The following MAN2C1 variants were observed in gnomAD, a reference collection of about 807,000 sequenced individuals.
MAN2C1 encodes mannosidase alpha class 2C member 1, also known as alpha-mannosidase 2C1.
Under a neutral mutation model 126.9 loss-of-function variants are expected in MAN2C1, and 111 were observed. The observed-to-expected ratio is 0.87, with a 90% CI of 0.75 to 1.02. MAN2C1 has a LOEUF of 1.02. MAN2C1 is among the 50% of genes least tolerant of loss of function. The pLI is 0.00. For missense variants in MAN2C1, 1,363 were observed against 1,364.4 expected (o/e 1.00, Z 0.02); for synonymous variants, 567 against 561.5 (o/e 1.01, Z -0.14).
At position 75,356,523 on chromosome 15, in the gene MAN2C1, G is replaced by C; in HGVS notation, c.2738-74C>G. 5 of 1,554,802 alleles carry C rather than the reference G, an allele frequency of 3.2e-6. No homozygotes were observed. The South Asian group carries it at 5.9e-5, about 18-fold the overall frequency. On this transcript the variant is annotated intron_variant, in intron 23 of 25. Transcript: ENST00000267978. This position sits in a 1 kb window ranked among gnomAD's most constrained non-coding sequence, Gnocchi z 5.8. ...CCCCTGTCCCTAGAAGGGGCAGGAA[G>C]CCAGGTTGCTGGGGTTTGGGCTCAG... is the stretch of plus-strand genomic sequence containing the variant.
In MAN2C1 at chr15:75,356,666, G is replaced by T; in HGVS notation, c.2677C>A (p.Pro893Thr). The T allele has an allele frequency of 6.3e-7, 1 of 1,587,206 alleles. No individual in the cohort carries two copies. Residue 893 changes from proline (P) to threonine (T), a missense_variant, in exon 23 of 26, where the codon CCG becomes ACG. Pro to Thr is a conservative substitution (Grantham distance 38). This residue lies in a region of MAN2C1 where 668 missense variants were observed against 650.1 expected (regional missense o/e 1.03). Transcript: ENST00000267978. This position sits in a 1 kb window ranked among gnomAD's most constrained non-coding sequence, Gnocchi z 5.8. ...SLSLLRAPKA[P>T]DATADTGRHE... Reference sequence around the variant, plus strand: ...CGCCCCGTGTCAGCAGTAGCGTCCGGGGCTTTAGGCGCCCGCAAGCTGGGG... The same window carrying T: ...CGCCCCGTGTCAGCAGTAGCGTCCGTGGCTTTAGGCGCCCGCAAGCTGGGG...
intron 4 of MAN2C1, chr15:75,365,861 G>T: frequency 2.8e-6 from 1 of 358,774 alleles, no homozygotes; most frequent in Non-Finnish European, 5.5e-6. Flanking sequence ...GAGAGGGGCG[G>T]ATAACCTGAG....
Position 75,356,848 on chromosome 15 carries a change from G to C in MAN2C1, c.2602C>G (p.Leu868Val). The C allele has an allele frequency of 1.9e-6, 3 of 1,614,160 alleles. No homozygotes were observed. The highest frequency in any genetic ancestry group is 2.5e-6 in the Non-Finnish European group (3 of 1,180,048). Residue 868 changes from leucine to valine, a missense_variant, in exon 22 of 26, where the codon CTC becomes GTC. Physicochemically the swap from Leu to Val is conservative, Grantham distance 32 (BLOSUM62 1). This residue lies in a region of MAN2C1 where 668 missense variants were observed against 650.1 expected (regional missense o/e 1.03). Coordinates refer to ENST00000267978, the MANE Select transcript of MAN2C1 (RefSeq NM_006715.4). This position sits in a 1 kb window ranked among gnomAD's most constrained non-coding sequence, Gnocchi z 5.8. Reference protein sequence around the residue: ...LSEHGFGLALLNDCKYGASVR... With the variant: ...LSEHGFGLALVNDCKYGASVR... ...GACGCGCCATACTTGCAGTCGTTGA[G>C]CAGGGCCAGCCCAAAGCCGTGTTCT...
intron 21 of MAN2C1, chr15:75,357,214 G>A: frequency 3.7e-6 from 1 of 272,722 alleles, no homozygotes; most frequent in Non-Finnish European, 7.0e-6. Context: ...CTTGATCTCG[G>A]CTCACTGCAA....
chr15:75,360,620 C>A lies in MAN2C1; in HGVS notation c.1529G>T (p.Trp510Leu). 6.2e-7 allele frequency: 1 copy of A among 1,613,906 alleles called. No individual in the cohort carries two copies. Among genetic ancestry groups the A allele is most frequent in the Non-Finnish European group, 8.5e-7 (1 of 1,180,004 alleles). Residue 510 changes from tryptophan (W) to leucine (L), a missense_variant, in exon 13 of 26, where the codon TGG becomes TTG. By Grantham distance (61) the Trp-to-Leu change is moderately conservative. This residue lies in a region of MAN2C1 where 67 missense variants were observed against 104.5 expected (regional missense o/e 0.64). Coordinates refer to ENST00000267978, the MANE Select transcript of MAN2C1 (RefSeq NM_006715.4). ...CAGCTCCAAGAAGAGCTCCCCAACC[C>A]ACGTGCACAGCTGCTCTGAGTCACT... is the stretch of plus-strand genomic sequence containing the variant. ...LESDSEQLCT[W>L]VGELFLELHN...
rs1240049918 is a variant in MAN2C1, at chr15:75,361,457, G to A, written c.1219-76C>T. ...GGCAGAGCCAGGCCTTCCAGACTTG[G>A]TCCTGCCCCTGCCTGCTATGTGACC... is the stretch of plus-strand genomic sequence containing the variant. On this transcript the variant is annotated intron_variant, in intron 10 of 25. Coordinates refer to ENST00000267978, the MANE Select transcript of MAN2C1 (RefSeq NM_006715.4). This position sits in a 1 kb window ranked among gnomAD's most constrained non-coding sequence, Gnocchi z 5.0. 5 of 1,336,994 alleles carry A rather than the reference G, an allele frequency of 3.7e-6. No homozygotes were observed. In the African/African-American group the frequency reaches 4.3e-5, roughly 12 times the overall value. The allele number at this position is 1,336,994 out of a possible 1,614,324, so 82.8% of individuals were successfully genotyped here. A position where few individuals can be genotyped will look rare whatever the true frequency, so the allele number is the denominator to read the frequency against.
Position 75,358,468 on chromosome 15 carries a change from G to A in MAN2C1, c.2397C>T (p.His799=). The change falls in exon 20 of 26, where the codon CAC becomes CAT. Residue 799 remains histidine (H), a synonymous_variant. Coordinates refer to ENST00000267978, the MANE Select transcript of MAN2C1 (RefSeq NM_006715.4). Reference sequence around the variant, plus strand: ...CCCCCTACCCCCCGACTACCTCGGTGTGGAAGCGGACATAGGGGCAGCCAA... The same window carrying A: ...CCCCCTACCCCCCGACTACCTCGGTATGGAAGCGGACATAGGGGCAGCCAA... ...LDVGCPYVRF[H]TEVHWHEAHK... The A allele has an allele frequency of 2.5e-6, 4 of 1,613,550 alleles. No homozygotes were observed. Among genetic ancestry groups the A allele is most frequent in the South Asian group, 1.1e-5 (1 of 91,090 alleles).
chr15:75,358,363 G>C lies in MAN2C1; in HGVS notation c.2404-19C>G, dbSNP rs1407889416. The C allele has an allele frequency of 1.2e-6, 2 of 1,614,020 alleles. No homozygotes were observed. Among genetic ancestry groups the C allele is most frequent in the South Asian group, 2.2e-5 (2 of 91,090 alleles). Reference sequence around the variant, plus strand: ...AGTGTACCTGGGAGTGGGAAGGAGGGTGGGAGTCAGGGAAGGAAGAGACAC... The same window carrying C: ...AGTGTACCTGGGAGTGGGAAGGAGGCTGGGAGTCAGGGAAGGAAGAGACAC... On this transcript the variant is annotated intron_variant, in intron 20 of 25. Transcript: ENST00000267978.
intron 1 of MAN2C1, 59 bp from the exon 2 acceptor site, chr15:75,368,257 C>T: frequency 1.3e-6 from 2 of 1,538,148 alleles, no homozygotes; most frequent in South Asian, 1.2e-5. Flanking sequence ...GCCTGGGGGC[C>T]AGCTGGCCGG....
At chr15:75,366,701 C>T in intron 3 of MAN2C1, 109 bp from the exon 4 acceptor site, 2 of 759,762 alleles carry the variant, frequency 2.6e-6, no homozygotes, top group African/African-American at 1.8e-5. Context: ...AGCTCTGGGT[C>T]CTCTCTCCCA....
At position 75,368,123 on chromosome 15, in the gene MAN2C1, T is replaced by C; in HGVS notation, c.177A>G (p.Ala59=). The part of the protein sequence containing the change: ...LTPERLPYQE[A]VQRDFRPAQV... ...GCGCGGGGCGGAAGTCCCGCTGGAC[T>C]GCCTCCTGGTAGGGAAGTCTCTCCG... The change falls in exon 2 of 26, where the codon GCA becomes GCG. Residue 59 remains alanine, a synonymous_variant. Coordinates refer to ENST00000267978, the MANE Select transcript of MAN2C1 (RefSeq NM_006715.4). 3.7e-6 allele frequency: 6 copies of C among 1,606,856 alleles called. No individual in the cohort carries two copies. The highest frequency in any genetic ancestry group is 5.1e-6 in the Non-Finnish European group (6 of 1,177,636).
At position 75,359,178 on chromosome 15, in the gene MAN2C1, T is replaced by C. The variant is rs372282957; in HGVS notation, c.2047-25A>G. On this transcript the variant is annotated intron_variant, in intron 17 of 25. Transcript: ENST00000267978. The stretch of plus-strand genomic sequence containing the variant: ...TCTTTGTGGGAGGAGGCCTTGAGGC[T>C]GAGTCTGTAGGGGCTTCCCACACCA... The C allele has an allele frequency of 8.1e-5, 130 of 1,613,410 alleles. 1 individual carries two copies. In the African/African-American group the frequency reaches 1.5e-3, roughly 18 times the overall value.
chr15:75,359,558 G>T, intron 16 of MAN2C1, 62 bp downstream of exon 16: 1 of 1,597,896 alleles, frequency 6.3e-7, no homozygotes, highest in Non-Finnish European at 8.5e-7. Flanking sequence ...GGTATCCCAG[G>T]CCTGATCTGT....
rs2072623962 is a variant in MAN2C1 at position 75,368,198 on chromosome 15, C to T, written c.102G>A (p.Arg34=). 1.8e-5 allele frequency: 29 copies of T among 1,602,444 alleles called. No individual in the cohort carries two copies. Among genetic ancestry groups the T allele is most frequent in the Non-Finnish European group, 2.4e-5 (28 of 1,176,848 alleles). Residue 34 remains arginine, a splice_region_variant and synonymous_variant, in exon 2 of 26, where the codon AGG becomes AGA. Coordinates refer to ENST00000267978, the MANE Select transcript of MAN2C1 (RefSeq NM_006715.4). ...LYFTDCNLRG[R]LFGASCPVAV... is the part of the protein sequence containing the mutation. ...CCACAGGGCAGCTGGCCCCAAAAAGCCTGCGTGGGACGGGCCGGTGGGCAC... is the reference window on the plus strand; with the variant it reads ...CCACAGGGCAGCTGGCCCCAAAAAGTCTGCGTGGGACGGGCCGGTGGGCAC...
chr15:75,361,409 A>C lies in MAN2C1; in HGVS notation c.1219-28T>G. 2 of 1,515,990 alleles carry C rather than the reference A, an allele frequency of 1.3e-6. No individual in the cohort carries two copies. Among genetic ancestry groups the C allele is most frequent in the Non-Finnish European group, 1.8e-6 (2 of 1,107,890 alleles). The allele number at this position is 1,515,990 out of a possible 1,614,324, so 93.9% of individuals were successfully genotyped here. ...ACCAGCAGGGAAACAGAAGCAGGGC[A>C]GAGAGGCCAGAGTCAGGGCTGAGGC... On this transcript the variant is annotated intron_variant, in intron 10 of 25. Transcript: ENST00000267978. This position sits in a 1 kb window ranked among gnomAD's most constrained non-coding sequence, Gnocchi z 5.0.
intron 3 of MAN2C1, 43 bp from the exon 4 acceptor site, chr15:75,366,635 G>C: frequency 6.8e-7 from 1 of 1,468,828 alleles, no homozygotes; most frequent in Non-Finnish European, 9.4e-7. Flanking sequence ...TGAGGCTTTT[G>C]GACAGTTCAG....
rs150070963 is a variant in MAN2C1 at position 75,356,028 on chromosome 15, C to T, written c.3001G>A (p.Asp1001Asn). 11 of 1,613,878 alleles carry T rather than the reference C, an allele frequency of 6.8e-6. No homozygotes were observed. Among genetic ancestry groups the T allele is most frequent in the South Asian group, 2.2e-5 (2 of 91,044 alleles). Residue 1001 changes from aspartate to asparagine, a missense_variant, in exon 26 of 26, where the codon GAT (aspartate) becomes AAT (asparagine). Coordinates refer to ENST00000267978, the MANE Select transcript of MAN2C1 (RefSeq NM_006715.4). The surrounding 1 kb of genome is among the most constrained non-coding windows in gnomAD (Gnocchi z 5.8). ...GCAGGGTCTGGTCGCTCCAAGAGATCGCAGCTGGAGAACAGGAGGGGCCAT... is the reference window on the plus strand; with the variant it reads ...GCAGGGTCTGGTCGCTCCAAGAGATTGCAGCTGGAGAACAGGAGGGGCCAT... ...SLPVQEAILC[D>N]LLERPDPAGH...
At chr15:75,363,938 A>ACATC in intron 6 of MAN2C1, 61 bp downstream of exon 6, 2 of 1,569,976 alleles carry the variant, frequency 1.3e-6, no homozygotes, top group South Asian at 2.2e-5. Flanking sequence ...CTTCTAGGGC[A>ACATC]CATCCAGGTC....
rs891510861 is a variant in MAN2C1, at chr15:75,364,629, G to C, written c.459C>G (p.Leu153=). 3.1e-6 allele frequency: 5 copies of C among 1,613,392 alleles called. No homozygotes were observed. The highest frequency in any genetic ancestry group is 4.2e-6 in the Non-Finnish European group (5 of 1,179,750). Residue 153 remains leucine (L), a synonymous_variant, in exon 5 of 26, where the codon CTC becomes CTG. Transcript: ENST00000267978. ...TLYVEVACNG[L]LGAGKGSMIA... is the part of the protein sequence containing the mutation. ...TCATGCTTCCCTTCCCGGCCCCCAG[G>C]AGCCCATTGCAGGCTACTTCCACAT...
Sources: gnomAD v4.1 joint callset for allele counts on GRCh38, gnomAD v4.1.1 for gene constraint, gnomAD v4.1.1 regional missense constraint, Gnocchi (gnomAD v3.1) non-coding constraint, MANE v1.5 for transcripts, NCBI Gene and HGNC (gene_info 2026-07-23, HGNC 2026-07-21) for gene names.